CAST: variants seen among roughly 807,000 people sequenced by gnomAD.
CAST encodes the protein MIR583 host.
A neutral mutation model predicts 119.6 loss-of-function variants in CAST; 76 were observed. The observed-to-expected ratio is 0.64, with a 90% confidence interval of 0.53 to 0.77. The LOEUF (loss-of-function observed/expected upper bound fraction) is 0.77, where lower values mean the gene tolerates loss of function less well. Among genes scored for constraint, CAST ranks in the 30% least tolerant of loss-of-function variants. The pLI, the probability that CAST is intolerant of heterozygous loss-of-function variation, is 0.00. For synonymous variants in CAST, 319 were observed against 331.6 expected (o/e 0.96, Z 0.41); for missense variants, 953 against 946.5 (o/e 1.01, Z -0.09).
the CAST span, among the ~76,000 whole-genome samples, chr5:96,263,407 A>C: frequency 6.6e-6 from 1 of 152,222 alleles, no homozygotes. Flanking sequence ...GACCCCACTG[A>C]GAGTGACGAG....
the CAST span, among the ~76,000 whole-genome samples, chr5:96,353,710 G>A: frequency 1.3e-5 from 2 of 152,232 alleles, no homozygotes; most frequent in East Asian, 1.9e-4. Flanking sequence ...TGACCTTTAG[G>A]ACTTAACACT....
intron 1 of CAST, among the ~76,000 whole-genome samples, chr5:96,651,930 G>A (rs1322623612): frequency 6.6e-6 from 1 of 152,162 alleles, no homozygotes; most frequent in Non-Finnish European, 1.5e-5. Flanking sequence ...TATTTAATCT[G>A]TGTGTTAAAT....
chr5:96,151,932 C>A, the CAST span, among the ~76,000 whole-genome samples: 1 of 152,284 alleles, frequency 6.6e-6, no homozygotes, highest in Admixed American at 6.5e-5. Flanking sequence ...CCCCAGAGAA[C>A]ATCCTTCTTT....
At chr5:96,655,648 C>T (rs1158595412) in intron 1 of CAST, among the ~76,000 whole-genome samples, 1 of 152,178 alleles carries the variant, frequency 6.6e-6, no homozygotes, top group African/African-American at 2.4e-5. Flanking sequence ...TATCTTAGCT[C>T]ATCTTAGTAG....
At position 96,766,159 on chromosome 5, in the gene CAST, A is replaced by C; in HGVS notation, c.2130+14A>C. On this transcript the variant is annotated intron_variant, in intron 27 of 31. Coordinates refer to ENST00000675179, the MANE Select transcript of CAST (RefSeq NM_001750.7). ...GATAATGGACAGGTAAACTGAGGCA[A>C]ATTGCTAGATCGGATTTATGCTACC... 1.4e-6 allele frequency: 2 copies of C among 1,438,532 alleles called. No individual in the cohort carries two copies. Among genetic ancestry groups the C allele is most frequent in the Non-Finnish European group, 2.0e-6 (2 of 1,024,654 alleles). The allele number at this position is 1,438,532 out of a possible 1,614,324, so 89.1% of individuals were successfully genotyped here. A position where few individuals can be genotyped will look rare whatever the true frequency, so the allele number is the denominator to read the frequency against.
At chr5:96,416,181 A>G in the CAST span, 10 of 1,164,536 alleles carry the variant, frequency 8.6e-6, no homozygotes, top group Admixed American at 1.7e-5. Context: ...TGTTTTGCAT[A>G]TGAATGAATT....
chr5:96,163,417 C>T, the CAST span, among the ~76,000 whole-genome samples: 7 of 152,182 alleles, frequency 4.6e-5, no homozygotes, highest in African/African-American at 1.7e-4. Flanking sequence ...TATTGACAGA[C>T]ATTCAGGCTG....
the CAST span, among the ~76,000 whole-genome samples, chr5:95,977,990 T>A: frequency 6.6e-6 from 1 of 151,274 alleles, no homozygotes; most frequent in East Asian, 1.9e-4. Context: ...TTTTTTTTTT[T>A]ATGGCTGCAT....
chr5:96,048,411 T>C, the CAST span, among the ~76,000 whole-genome samples: 4 of 152,060 alleles, frequency 2.6e-5, no homozygotes, highest in African/African-American at 7.2e-5. Context: ...AGATGCAAAA[T>C]AGGACATTAT....
the CAST span, among the ~76,000 whole-genome samples, chr5:95,968,260 TA>T: frequency 6.6e-6 from 1 of 152,154 alleles, no homozygotes; most frequent in Non-Finnish European, 1.5e-5. Context: ...ACAAGGCAAA[TA>T]AAATGATCCA....
At chr5:96,365,154 T>A in the CAST span, among the ~76,000 whole-genome samples, 16 of 152,360 alleles carry the variant, frequency 1.1e-4, no homozygotes, top group Middle Eastern at 3.4e-3. Flanking sequence ...TTCTTAATCC[T>A]GAGTTCTAGT....
chr5:96,198,731 C>T, the CAST span, among the ~76,000 whole-genome samples: 3 of 152,106 alleles, frequency 2.0e-5, no homozygotes, highest in African/African-American at 7.2e-5. Flanking sequence ...GAGGGAAAAA[C>T]CACATGGAGC....
At chr5:96,289,386 T>C in the CAST span, among the ~76,000 whole-genome samples, 3 of 152,174 alleles carry the variant, frequency 2.0e-5, no homozygotes, top group African/African-American at 7.2e-5. Context: ...GTTCCCATAA[T>C]GCCCACGTGT....
intron 1 of CAST, among the ~76,000 whole-genome samples, chr5:96,667,002 T>C (rs1749426788): frequency 6.6e-6 from 1 of 152,152 alleles, no homozygotes; most frequent in African/African-American, 2.4e-5. Flanking sequence ...GTTGTCTCAT[T>C]TTCCTTTCAT....
At chr5:96,646,058 T>A (rs1748010666) in intron 1 of CAST, among the ~76,000 whole-genome samples, 1 of 152,022 alleles carries the variant, frequency 6.6e-6, no homozygotes, top group Non-Finnish European at 1.5e-5. Flanking sequence ...AAGACAAATA[T>A]ATATTAAAAC....
chr5:96,527,234 A>C (rs1745610162), upstream of CAST, among the ~76,000 whole-genome samples: 3 of 152,194 alleles, frequency 2.0e-5, no homozygotes, highest in South Asian at 6.2e-4. Context: ...ATTCAACAGA[A>C]CTGTGTTTTA....
the CAST span, among the ~76,000 whole-genome samples, chr5:96,017,432 A>C: frequency 6.6e-6 from 1 of 152,206 alleles, no homozygotes; most frequent in East Asian, 1.9e-4. Context: ...AATTAGGCTC[A>C]AAATAAATAC....
At chr5:96,436,746 A>G in the CAST span, among the ~76,000 whole-genome samples, 21 of 152,336 alleles carry the variant, frequency 1.4e-4, no homozygotes, top group Admixed American at 5.9e-4. Context: ...AGAAGTTACC[A>G]TCTACCAACT....
At chr5:96,753,095 G>A (rs1765504206) in intron 20 of CAST, among the ~76,000 whole-genome samples, 1 of 151,448 alleles carries the variant, frequency 6.6e-6, no homozygotes, top group Non-Finnish European at 1.5e-5. Context: ...CTGAGGTCAA[G>A]CAATCCTCCC....
Sources: gnomAD v4.1 joint callset for allele counts (sites outside exome capture counted in the v4.1 genomes callset) on GRCh38, gnomAD v4.1.1 for gene constraint, MANE v1.5 for transcripts, NCBI Gene and HGNC (gene_info 2026-07-23, HGNC 2026-07-21) for gene names.